The following DEPDC1B variants were observed in gnomAD, a reference collection of about 807,000 sequenced individuals.
The protein encoded by DEPDC1B is DEP domain containing 1B.
In DEPDC1B, 51 loss-of-function variants were observed where a neutral mutation model predicts 66.5. The observed-to-expected ratio is 0.77, with a 90% CI of 0.61 to 0.97. The LOEUF is 0.97. DEPDC1B is among the 50% of genes least tolerant of loss of function. The pLI is 0.00. For missense variants in DEPDC1B, 552 were observed against 637.1 expected (o/e 0.87, Z 1.44); for synonymous variants, 226 against 223.6 (o/e 1.01, Z -0.10).
chr5:60,629,267 C>A (rs760437981), intron 7 of DEPDC1B, among the ~76,000 whole-genome samples: 8 of 152,162 alleles, frequency 5.3e-5, no homozygotes, highest in Admixed American at 2.6e-4. Context: ...TAGGTTGATT[C>A]CACATCTTGA....
intron 2 of DEPDC1B, among the ~76,000 whole-genome samples, chr5:60,668,105 G>C (rs1195562146): frequency 2.6e-5 from 2 of 76,198 alleles, no homozygotes; most frequent in African/African-American, 6.5e-5. Context: ...ATATAAAATG[G>C]ATATTTTATA....
At chr5:60,660,431 C>G (rs1753687340) in intron 2 of DEPDC1B, among the ~76,000 whole-genome samples, 1 of 152,094 alleles carries the variant, frequency 6.6e-6, no homozygotes, top group Non-Finnish European at 1.5e-5. Context: ...AAGGTCTTCT[C>G]CGGGACCCTA....
chr5:60,646,018 T>G (rs370203312), intron 3 of DEPDC1B, among the ~76,000 whole-genome samples: 1 of 152,236 alleles, frequency 6.6e-6, no homozygotes, highest in African/African-American at 2.4e-5. Flanking sequence ...AAAATGGAAT[T>G]AAAATGTATT....
intron 2 of DEPDC1B, among the ~76,000 whole-genome samples, chr5:60,660,836 A>G (rs1753697665): frequency 6.6e-6 from 1 of 152,224 alleles, no homozygotes; most frequent in Non-Finnish European, 1.5e-5. Flanking sequence ...CAAAGGTCCA[A>G]CCAGACCTAG....
At chr5:60,666,351 A>T (rs1753840071) in intron 2 of DEPDC1B, among the ~76,000 whole-genome samples, 1 of 152,224 alleles carries the variant, frequency 6.6e-6, no homozygotes, top group African/African-American at 2.4e-5. Flanking sequence ...TCCATTCCTT[A>T]GAATCCGTGA....
intron 2 of DEPDC1B, among the ~76,000 whole-genome samples, chr5:60,682,528 A>C (rs1754319183): frequency 6.6e-6 from 1 of 152,200 alleles, no homozygotes. Context: ...AAAAAATAAA[A>C]ATTAAAAAAT....
intron 1 of DEPDC1B, among the ~76,000 whole-genome samples, chr5:60,695,955 C>T (rs1754645050): frequency 6.6e-6 from 1 of 152,148 alleles, no homozygotes. Context: ...TGTGCCACCA[C>T]ACCCAGCTAA....
chr5:60,612,422 A>T (rs992210985), intron 7 of DEPDC1B, among the ~76,000 whole-genome samples: 1 of 135,376 alleles, frequency 7.4e-6, no homozygotes, highest in Non-Finnish European at 1.6e-5. Flanking sequence ...GACTCCACCT[A>T]AAAAAAAAAA....
At chr5:60,645,652 G>A in intron 3 of DEPDC1B, 33 bp from the exon 4 acceptor site, 2 of 1,579,306 alleles carry the variant, frequency 1.3e-6, no homozygotes, top group Non-Finnish European at 8.6e-7. Flanking sequence ...AGGGAGGGAA[G>A]GAGAAACGGT....
chr5:60,682,934 C>T (rs554198576), intron 2 of DEPDC1B, among the ~76,000 whole-genome samples: 1 of 152,208 alleles, frequency 6.6e-6, no homozygotes, highest in Non-Finnish European at 1.5e-5. Flanking sequence ...CTTTCTAACT[C>T]ATTCTATAAG....
At chr5:60,607,769 G>A (rs914342659) in intron 7 of DEPDC1B, among the ~76,000 whole-genome samples, 6 of 152,128 alleles carry the variant, frequency 3.9e-5, no homozygotes, top group African/African-American at 1.4e-4. Flanking sequence ...AGCAAGCCAG[G>A]GAAATACTGC....
intron 2 of DEPDC1B, among the ~76,000 whole-genome samples, chr5:60,653,970 A>G (rs932700315): frequency 2.0e-5 from 3 of 148,914 alleles, no homozygotes; most frequent in Non-Finnish European, 4.4e-5. Context: ...CTATGTGCCT[A>G]TTTTCACAGC....
intron 7 of DEPDC1B, among the ~76,000 whole-genome samples, chr5:60,613,518 A>C (rs1191522464): frequency 2.6e-5 from 4 of 152,206 alleles, no homozygotes; most frequent in Non-Finnish European, 5.9e-5. Flanking sequence ...AGATGAACGA[A>C]CAGAAGCCAT....
intron 2 of DEPDC1B, among the ~76,000 whole-genome samples, chr5:60,682,741 A>G (rs1754324778): frequency 6.6e-6 from 1 of 152,162 alleles, no homozygotes; most frequent in South Asian, 2.1e-4. Context: ...TGAACCAGAA[A>G]TAAATAGAAA....
intron 7 of DEPDC1B, among the ~76,000 whole-genome samples, chr5:60,606,928 A>C (rs72755145): frequency 0.11 from 16,065 of 152,240 alleles, 892 homozygotes; most frequent in Middle Eastern, 0.13. Context: ...AGTTACCACT[A>C]GTCTTTGGAA....
At chr5:60,676,327 T>A (rs1253060679) in intron 2 of DEPDC1B, among the ~76,000 whole-genome samples, 3 of 151,190 alleles carry the variant, frequency 2.0e-5, no homozygotes, top group Non-Finnish European at 2.9e-5. Context: ...CATGTATACA[T>A]ATGTAACAAA....
Position 60,686,952 on chromosome 5 carries a change from T to C in DEPDC1B, c.314+10A>G, listed in dbSNP as rs765434742. On this transcript the variant is annotated intron_variant, in intron 2 of 10. Coordinates refer to ENST00000265036, the MANE Select transcript of DEPDC1B (RefSeq NM_018369.3). ...ATTCCTCACCTTCCAGGTTTACATGTTGCCATTACCTGTATAAGTGACGAT... is the reference window on the plus strand; with the variant it reads ...ATTCCTCACCTTCCAGGTTTACATGCTGCCATTACCTGTATAAGTGACGAT... The C allele has an allele frequency of 1.2e-6, 2 of 1,613,122 alleles. No individual in the cohort carries two copies. The highest frequency in any genetic ancestry group is 8.5e-7 in the Non-Finnish European group (1 of 1,179,128).
chr5:60,634,597 A>G (rs1003395612), intron 7 of DEPDC1B, among the ~76,000 whole-genome samples: 1 of 151,798 alleles, frequency 6.6e-6, no homozygotes, highest in East Asian at 1.9e-4. Flanking sequence ...GTGTGAACCC[A>G]GGAGAGGGAG....
intron 7 of DEPDC1B, among the ~76,000 whole-genome samples, chr5:60,606,585 C>T (rs1227850426): frequency 1.0e-5 from 1 of 98,306 alleles, no homozygotes; most frequent in Non-Finnish European, 1.8e-5. Context: ...CCAGCCTGGG[C>T]AACATAGTGA....
Sources: allele counts gnomAD v4.1 joint callset (sites outside exome capture counted in the v4.1 genomes callset), GRCh38; gene constraint gnomAD v4.1.1; transcripts MANE v1.5; gene names NCBI Gene and HGNC (gene_info 2026-07-23, HGNC 2026-07-21).